The following RNF216 variants were observed in gnomAD, a reference collection of about 807,000 sequenced individuals.
RNF216 encodes the protein E3 ubiquitin-protein ligase RNF216.
Under a neutral mutation model 110.8 loss-of-function variants are expected in RNF216, and 72 were observed. That is an observed-to-expected ratio of 0.65 (90% confidence interval 0.54 to 0.79). The LOEUF (loss-of-function observed/expected upper bound fraction) is 0.79, where lower values mean the gene tolerates loss of function less well. RNF216 is among the 30% of genes least tolerant of loss of function. RNF216 has a pLI of 0.00. For missense variants in RNF216, 1,342 were observed against 1,141.2 expected (o/e 1.18, Z -2.54); for synonymous variants, 495 against 407.5 (o/e 1.21, Z -2.59).
intron 8 of RNF216, among the ~76,000 whole-genome samples, chr7:5,724,282 C>G (rs1159358205): frequency 5.3e-5 from 8 of 152,052 alleles, no homozygotes; most frequent in East Asian, 1.9e-4. Flanking sequence ...CTCTCCACAG[C>G]CAAGAACTAC....
At chr7:5,633,617 G>A (rs1281070619) in intron 15 of RNF216, among the ~76,000 whole-genome samples, 2 of 152,114 alleles carry the variant, frequency 1.3e-5, no homozygotes, top group East Asian at 3.9e-4. Context: ...GGAAATAAGC[G>A]GATTGCATTT....
At position 5,741,547 on chromosome 7, in the gene RNF216, TTGGGTTCTCTTTC is replaced by T. The variant is rs1315805379; in HGVS notation, c.457_469del (p.Glu153SerfsTer56). The T allele has an allele frequency of 1.2e-6, 2 of 1,614,222 alleles. No homozygotes were observed. Among genetic ancestry groups the T allele is most frequent in the Non-Finnish European group, 8.5e-7 (1 of 1,180,044 alleles). ...TGCTTGGTTATGACTCGGTCCAGGC[TTGGGTTCTCTTTC>T]TGTTTGGCCACTTGGCTTAGTGAAT... On this transcript the variant is annotated frameshift_variant, in exon 4 of 17. Transcript: ENST00000389902. LOFTEE classifies it high-confidence loss of function.
intron 15 of RNF216, among the ~76,000 whole-genome samples, chr7:5,640,202 C>T (rs1437883137): frequency 2.0e-5 from 3 of 152,022 alleles, no homozygotes; most frequent in Non-Finnish European, 2.9e-5. Context: ...CTGACCCTCT[C>T]CCCCAGTTTT....
intron 15 of RNF216, among the ~76,000 whole-genome samples, chr7:5,638,070 G>A (rs535062479): frequency 1.3e-5 from 2 of 152,212 alleles, no homozygotes; most frequent in Admixed American, 6.5e-5. Flanking sequence ...TCCCCACTAT[G>A]CCTTCCTGCC....
At chr7:5,652,120 G>C (rs1400230773) in intron 14 of RNF216, among the ~76,000 whole-genome samples, 1 of 152,128 alleles carries the variant, frequency 6.6e-6, no homozygotes, top group African/African-American at 2.4e-5. Flanking sequence ...TGCAGTCTAA[G>C]TTAATTAAAA....
At chr7:5,666,814 CTTTT>C (rs762672429) in intron 13 of RNF216, 4 of 135,564 alleles carry the variant, frequency 3.0e-5, no homozygotes, top group Non-Finnish European at 6.3e-5. Flanking sequence ...ACAGCAATGA[CTTTT>C]TTTTTTTTTT....
intron 1 of RNF216, among the ~76,000 whole-genome samples, chr7:5,770,338 G>C (rs1022477706): frequency 6.6e-6 from 1 of 152,002 alleles, no homozygotes; most frequent in African/African-American, 2.4e-5. Flanking sequence ...GCACATGCCT[G>C]TAATCCCAGC....
In RNF216 at chr7:5,658,675, A is replaced by AT. The variant is rs1202684693; in HGVS notation, c.2062-6166dup. ...GTCTCAAAAAAAAAAAAAAAAAAAAATTTTTTTAACTGACTTGAATAAAGC... is the reference window on the plus strand; with the variant it reads ...GTCTCAAAAAAAAAAAAAAAAAAAAATTTTTTTTAACTGACTTGAATAAAGC... On this transcript the variant is annotated intron_variant, in intron 13 of 16. Coordinates refer to ENST00000389902, the MANE Select transcript of RNF216 (RefSeq NM_207111.4). Among the ~76,000 whole-genome samples, 389 of 146,796 alleles carry AT rather than the reference A, an allele frequency of 2.6e-3. 1 individual carries two copies. Among genetic ancestry groups the AT allele is most frequent in the South Asian group, 6.8e-3 (32 of 4,704 alleles).
chr7:5,682,547 A>T (rs2128606465), intron 13 of RNF216, among the ~76,000 whole-genome samples: 1 of 151,876 alleles, frequency 6.6e-6, no homozygotes, highest in Non-Finnish European at 1.5e-5. Flanking sequence ...AGCTGGGACT[A>T]CAGGTGCCCA....
intron 14 of RNF216, among the ~76,000 whole-genome samples, chr7:5,646,277 G>A (rs1414301503): frequency 6.6e-6 from 1 of 152,146 alleles, no homozygotes; most frequent in Non-Finnish European, 1.5e-5. Context: ...GCTGAGGCAT[G>A]AGAATCGCTT....
intron 13 of RNF216, among the ~76,000 whole-genome samples, chr7:5,676,128 G>A (rs1790275668): frequency 6.6e-6 from 1 of 151,936 alleles, no homozygotes; most frequent in South Asian, 2.1e-4. Context: ...TCTCGTCTCA[G>A]CCTTCCAAGT....
chr7:5,752,754 G>C, intron 3 of RNF216, 92 bp downstream of exon 3: 1 of 1,281,364 alleles, frequency 7.8e-7, no homozygotes, highest in Non-Finnish European at 1.1e-6. Flanking sequence ...AGTACAAGAG[G>C]TGCTGTTCTA....
In RNF216 at chr7:5,668,010, G is replaced by T. The variant is rs552339959; in HGVS notation, c.2062-15500C>A. ...GGTAACTTCGCGTTGGTATTTTAGG[G>T]CGCTGTGTAAAGATGGCAGTAATTC... On this transcript the variant is annotated intron_variant, in intron 13 of 16. Coordinates refer to ENST00000389902, the MANE Select transcript of RNF216 (RefSeq NM_207111.4). Among the ~76,000 whole-genome samples the T allele has an allele frequency of 3.6e-3, 549 of 152,294 alleles. 6 individuals carry two copies. The highest frequency in any genetic ancestry group is 0.012 in the African/African-American group (509 of 41,568).
chr7:5,689,448 C>T (rs1003594568), intron 13 of RNF216, among the ~76,000 whole-genome samples: 5 of 151,198 alleles, frequency 3.3e-5, no homozygotes, highest in Non-Finnish European at 5.9e-5. Flanking sequence ...AAACCCACAT[C>T]CCTTCTGTTG....
chr7:5,684,298 G>A (rs554182627), intron 13 of RNF216, among the ~76,000 whole-genome samples: 3 of 151,900 alleles, frequency 2.0e-5, no homozygotes, highest in East Asian at 3.9e-4. Flanking sequence ...TAGTAGAGAC[G>A]GGGTTTCACT....
At chr7:5,694,276 A>T (rs901928924) in intron 13 of RNF216, among the ~76,000 whole-genome samples, 2 of 152,252 alleles carry the variant, frequency 1.3e-5, no homozygotes, top group Non-Finnish European at 1.5e-5. Flanking sequence ...AGGTCTAGGT[A>T]TGCAGTACTT....
chr7:5,688,560 T>C (rs1791128097), intron 13 of RNF216, among the ~76,000 whole-genome samples: 1 of 152,228 alleles, frequency 6.6e-6, no homozygotes, highest in Admixed American at 6.5e-5. Context: ...TGTTTCATGC[T>C]TAGGTTTTGA....
chr7:5,779,010 C>T (rs531944505), intron 1 of RNF216, among the ~76,000 whole-genome samples: 58 of 152,368 alleles, frequency 3.8e-4, no homozygotes, highest in African/African-American at 1.3e-3. Flanking sequence ...TCCCAAAGTG[C>T]TGGGATTACG....
At chr7:5,630,969 G>A (rs1787033620) in intron 15 of RNF216, among the ~76,000 whole-genome samples, 1 of 152,138 alleles carries the variant, frequency 6.6e-6, no homozygotes, top group Non-Finnish European at 1.5e-5. Context: ...ACCTGACTGG[G>A]GGCCTGAGAA....
Sources: allele counts gnomAD v4.1 joint callset (sites outside exome capture counted in the v4.1 genomes callset), GRCh38; gene constraint gnomAD v4.1.1; transcripts MANE v1.5; gene names NCBI Gene and HGNC (gene_info 2026-07-23, HGNC 2026-07-21).